RERG: variants seen among roughly 807,000 people sequenced by gnomAD.
RERG encodes the protein RAS like estrogen regulated growth inhibitor.
In RERG, 25 loss-of-function variants were observed where a neutral mutation model predicts 23.2. That is an observed-to-expected ratio of 1.08 (90% CI 0.79 to 1.50). The LOEUF (loss-of-function observed/expected upper bound fraction) is 1.50. RERG is among the 40% of genes most tolerant of loss of function. The pLI, the probability that RERG is intolerant of heterozygous loss-of-function variation, is 0.00. For synonymous variants in RERG, 81 were observed against 89.1 expected (o/e 0.91, Z 0.51); for missense variants, 253 against 250.1 (o/e 1.01, Z -0.08).
chr12:15,119,946 T>C (rs1231464522), intron 3 of RERG, among the ~76,000 whole-genome samples: 1 of 152,168 alleles, frequency 6.6e-6, no homozygotes, highest in Non-Finnish European at 1.5e-5. Flanking sequence ...AGTATCAAAA[T>C]GTTCTGTACA....
intron 2 of RERG, among the ~76,000 whole-genome samples, chr12:15,143,269 T>G (rs971856174): frequency 4.0e-5 from 6 of 151,854 alleles, no homozygotes; most frequent in Admixed American, 6.6e-5. Flanking sequence ...TAATATAAAT[T>G]AAAATATACA....
chr12:15,162,044 G>C (rs1232096826), intron 2 of RERG, among the ~76,000 whole-genome samples: 1 of 152,176 alleles, frequency 6.6e-6, no homozygotes, highest in Non-Finnish European at 1.5e-5. Flanking sequence ...CTAGTGGTAG[G>C]AACGGAAATT....
intron 2 of RERG, among the ~76,000 whole-genome samples, chr12:15,206,789 A>G (rs1221503402): frequency 6.6e-6 from 1 of 152,174 alleles, no homozygotes; most frequent in African/African-American, 2.4e-5. Flanking sequence ...ATTCATTCAT[A>G]TCTTGGAATA....
intron 2 of RERG, among the ~76,000 whole-genome samples, chr12:15,177,192 C>A (rs1591659231): frequency 6.6e-6 from 1 of 152,224 alleles, no homozygotes; most frequent in Non-Finnish European, 1.5e-5. Flanking sequence ...GTGGCTCACA[C>A]CTGTAATCCT....
intron 2 of RERG, among the ~76,000 whole-genome samples, chr12:15,197,876 G>C (rs1865165753): frequency 6.6e-6 from 1 of 152,084 alleles, no homozygotes; most frequent in Non-Finnish European, 1.5e-5. Flanking sequence ...TTACCCAGGA[G>C]CACCATTCAG....
chr12:15,144,067 T>C (rs1369230817), intron 2 of RERG, among the ~76,000 whole-genome samples: 1 of 150,908 alleles, frequency 6.6e-6, no homozygotes, highest in Non-Finnish European at 1.5e-5. Context: ...AGTGAGGAGG[T>C]GAAGAAGGGT....
chr12:15,129,275 T>C lies in RERG; in HGVS notation c.62-8156A>G, dbSNP rs146173823. On this transcript the variant is annotated intron_variant, in intron 2 of 4. Coordinates refer to ENST00000256953, the MANE Select transcript of RERG (RefSeq NM_032918.3). The stretch of plus-strand genomic sequence containing the variant: ...GAAATGAGCTGGATTGGAAATAAGA[T>C]GTCAAAAAAAAAAAAACCCTCAGAA... Among the ~76,000 whole-genome samples the C allele has an allele frequency of 6.7e-3, 925 of 138,478 alleles. 5 individuals are homozygous for C. Among genetic ancestry groups the C allele is most frequent in the Non-Finnish European group, 0.011 (707 of 62,628 alleles). 90.8% of individuals were successfully genotyped at this position (138,478 alleles called of 152,430 possible).
intron 2 of RERG, among the ~76,000 whole-genome samples, chr12:15,129,438 T>A (rs571034618): frequency 4.6e-5 from 7 of 152,330 alleles, no homozygotes; most frequent in African/African-American, 1.7e-4. Context: ...TTTGATCTCC[T>A]ATCAAATCTA....
rs533850628 is a variant in RERG, at chr12:15,164,047, C to T, written c.62-42928G>A. On this transcript the variant is annotated intron_variant, in intron 2 of 4. Coordinates refer to ENST00000256953, the MANE Select transcript of RERG (RefSeq NM_032918.3). ...AGAGGAGAAGAGAGACAAGGAAATGCAGTTCTATTTAAAACAGAGCAAAGC... is the reference window on the plus strand; with the variant it reads ...AGAGGAGAAGAGAGACAAGGAAATGTAGTTCTATTTAAAACAGAGCAAAGC... Among the ~76,000 whole-genome samples the T allele has an allele frequency of 2.6e-5, 4 of 152,260 alleles. No individual in the cohort carries two copies. In the East Asian group the frequency reaches 7.7e-4, roughly 29 times the overall value.
At chr12:15,150,069 C>A (rs934821727) in intron 2 of RERG, among the ~76,000 whole-genome samples, 2 of 151,982 alleles carry the variant, frequency 1.3e-5, no homozygotes, top group Admixed American at 6.6e-5. Flanking sequence ...GGGGAAAGGA[C>A]GGGGAGGGAG....
At chr12:15,109,981 T>C (rs1863575496) in intron 4 of RERG, among the ~76,000 whole-genome samples, 1 of 152,234 alleles carries the variant, frequency 6.6e-6, no homozygotes, top group South Asian at 2.1e-4. Context: ...GTTTGTTGTT[T>C]GTTTTAATTT....
At chr12:15,185,531 C>A (rs1029666934) in intron 2 of RERG, among the ~76,000 whole-genome samples, 2 of 152,126 alleles carry the variant, frequency 1.3e-5, no homozygotes, top group Non-Finnish European at 1.5e-5. Context: ...AAGAAACACT[C>A]CAACCTGTAT....
At chr12:15,204,541 T>C (rs991520614) in intron 2 of RERG, among the ~76,000 whole-genome samples, 4 of 151,748 alleles carry the variant, frequency 2.6e-5, no homozygotes, top group Admixed American at 6.6e-5. Context: ...ATTAATAACA[T>C]GTGAATTGCT....
At chr12:15,199,963 A>G (rs756952807) in intron 2 of RERG, among the ~76,000 whole-genome samples, 67 of 152,186 alleles carry the variant, frequency 4.4e-4, no homozygotes, top group Non-Finnish European at 8.4e-4. Flanking sequence ...TGGGCCATTC[A>G]AACTAATACA....
chr12:15,208,926 GC>G (rs1865330229), intron 2 of RERG, among the ~76,000 whole-genome samples: 1 of 150,220 alleles, frequency 6.7e-6, no homozygotes, highest in Non-Finnish European at 1.5e-5. Flanking sequence ...CTTTTTGACT[GC>G]CCACTTTACA....
At chr12:15,200,876 G>C (rs2136140881) in intron 2 of RERG, among the ~76,000 whole-genome samples, 1 of 151,894 alleles carries the variant, frequency 6.6e-6, no homozygotes, top group East Asian at 1.9e-4. Context: ...TTCCACTGAG[G>C]ATATTTGACA....
chr12:15,153,700 T>C (rs1270651756), intron 2 of RERG, among the ~76,000 whole-genome samples: 5 of 152,194 alleles, frequency 3.3e-5, no homozygotes, highest in African/African-American at 4.8e-5. Context: ...AATTGTATGA[T>C]TTGCATAAAT....
At chr12:15,206,499 T>C (rs1013432259) in intron 2 of RERG, among the ~76,000 whole-genome samples, 1 of 152,102 alleles carries the variant, frequency 6.6e-6, no homozygotes, top group African/African-American at 2.4e-5. Context: ...CTTAACACAG[T>C]GATTCCCGGA....
At chr12:15,194,530 T>C (rs578254505) in intron 2 of RERG, among the ~76,000 whole-genome samples, 2 of 152,030 alleles carry the variant, frequency 1.3e-5, no homozygotes, top group South Asian at 4.2e-4. Context: ...AGCTTGGTGT[T>C]CAATGAAATC....
Sources: gnomAD v4.1 joint callset for allele counts (sites outside exome capture counted in the v4.1 genomes callset) on GRCh38, gnomAD v4.1.1 for gene constraint, MANE v1.5 for transcripts, NCBI Gene and HGNC (gene_info 2026-07-23, HGNC 2026-07-21) for gene names.